Variants in ACAD10 observed in about 807,000 individuals in gnomAD.
ACAD10 encodes the protein ACAD-10.
In ACAD10, 112 loss-of-function variants were observed where a neutral mutation model predicts 116.8. The observed-to-expected ratio is 0.96, with a 90% CI of 0.82 to 1.12. The LOEUF (loss-of-function observed/expected upper bound fraction) is 1.12, where lower values mean the gene tolerates loss of function less well. ACAD10 is among the 50% of genes most tolerant of loss of function. The pLI, the probability that ACAD10 is intolerant of heterozygous loss-of-function variation, is 0.00. For missense variants in ACAD10, 1,259 were observed against 1,350.2 expected (o/e 0.93, Z 1.06); for synonymous variants, 486 against 510.6 (o/e 0.95, Z 0.65).
chr12:111,711,906 G>A (rs948158215), intron 5 of ACAD10, among the ~76,000 whole-genome samples: 3 of 152,172 alleles, frequency 2.0e-5, no homozygotes, highest in Non-Finnish European at 4.4e-5. Context: ...ATTTGCCTTG[G>A]CCTGCTAATA....
intron 10 of ACAD10, among the ~76,000 whole-genome samples, chr12:111,730,623 C>G (rs1889358394): frequency 6.6e-6 from 1 of 151,820 alleles, no homozygotes; most frequent in South Asian, 2.1e-4. Context: ...TTTTCTGCTT[C>G]GCAGCACCTG....
chr12:111,725,306 G>A (rs1036487609), intron 8 of ACAD10, among the ~76,000 whole-genome samples: 1 of 152,046 alleles, frequency 6.6e-6, no homozygotes, highest in African/African-American at 2.4e-5. Flanking sequence ...CCAGGAGTTT[G>A]AGACCAGCCA....
chr12:111,714,034 C>T lies in ACAD10; in HGVS notation c.850+1377C>T, dbSNP rs535746697. On this transcript the variant is annotated intron_variant, in intron 6 of 20. Coordinates refer to ENST00000313698, the MANE Select transcript of ACAD10 (RefSeq NM_025247.6). ...CCGAGATGGGCGGATCATCTGAGGTCAGGAGTTTGAGAGCAGCCTGGCCAA... is the reference window on the plus strand; with the variant it reads ...CCGAGATGGGCGGATCATCTGAGGTTAGGAGTTTGAGAGCAGCCTGGCCAA... Among the ~76,000 whole-genome samples the T allele has an allele frequency of 2.7e-3, 416 of 152,104 alleles. 1 individual carries two copies. The highest frequency in any genetic ancestry group is 8.3e-3 in the African/African-American group (343 of 41,484).
chr12:111,727,864 C>T, intron 8 of ACAD10, 98 bp from the exon 9 acceptor site: 2 of 1,274,530 alleles, frequency 1.6e-6, no homozygotes, highest in Non-Finnish European at 2.2e-6. Context: ...CAGCTCTCAA[C>T]CTGTATACCC....
chr12:111,719,203 T>C (rs756467351), intron 7 of ACAD10, among the ~76,000 whole-genome samples: 1 of 152,242 alleles, frequency 6.6e-6, no homozygotes, highest in African/African-American at 2.4e-5. Context: ...TATATGTGAA[T>C]GAATTCTAGT....
At chr12:111,691,086 G>A (rs1888027000) in intron 1 of ACAD10, 1 of 152,120 alleles carries the variant, frequency 6.6e-6, no homozygotes, top group South Asian at 2.1e-4. Flanking sequence ...AGAAGTTACA[G>A]TGATCTCCCG....
At chr12:111,718,488 T>C (rs1278465103) in intron 7 of ACAD10, among the ~76,000 whole-genome samples, 1 of 151,822 alleles carries the variant, frequency 6.6e-6, no homozygotes, top group Non-Finnish European at 1.5e-5. Flanking sequence ...CTATTGTTTG[T>C]TTTGTTTTGA....
chr12:111,701,752 A>G (rs944052563), intron 2 of ACAD10, among the ~76,000 whole-genome samples: 2 of 152,198 alleles, frequency 1.3e-5, no homozygotes, highest in African/African-American at 4.8e-5. Context: ...GTGAAGAATT[A>G]CTATAGCCTA....
intron 17 of ACAD10, chr12:111,748,935 T>C: frequency 7.2e-7 from 1 of 1,395,150 alleles, no homozygotes; most frequent in Non-Finnish European, 9.9e-7. Flanking sequence ...GGTGGCATTA[T>C]TATGTTTTTA....
chr12:111,740,782 C>CAAAAAA (rs751899672), intron 12 of ACAD10, among the ~76,000 whole-genome samples: 22 of 50,410 alleles, frequency 4.4e-4, no homozygotes, highest in Admixed American at 1.1e-3. Context: ...GACTCCATCT[C>CAAAAAA]AAAAAAAAAA....
chr12:111,703,795 G>T (rs1286648089), intron 3 of ACAD10, among the ~76,000 whole-genome samples: 1 of 151,848 alleles, frequency 6.6e-6, no homozygotes, highest in East Asian at 1.9e-4. Flanking sequence ...CCAGGATCAA[G>T]ATCACACCAC....
intron 2 of ACAD10, among the ~76,000 whole-genome samples, chr12:111,695,220 A>G (rs965806507): frequency 2.0e-5 from 3 of 152,036 alleles, no homozygotes; most frequent in Admixed American, 2.0e-4. Flanking sequence ...GCACATTTGC[A>G]TGTTTGTGCC....
chr12:111,702,442 T>C (rs1281985815), intron 3 of ACAD10, 132 bp downstream of exon 3: 6 of 1,308,296 alleles, frequency 4.6e-6, no homozygotes, highest in Non-Finnish European at 6.3e-6. Context: ...TTTAAAGTTA[T>C]TTCTTAGGCC....
At chr12:111,698,404 CTTT>C (rs60125993) in intron 2 of ACAD10, among the ~76,000 whole-genome samples, 9 of 132,980 alleles carry the variant, frequency 6.8e-5, no homozygotes, top group East Asian at 2.1e-4. Flanking sequence ...AGTAGTGAGC[CTTT>C]TTTTTTTTTT....
At chr12:111,718,342 C>G (rs1387671220) in intron 7 of ACAD10, among the ~76,000 whole-genome samples, 2 of 152,108 alleles carry the variant, frequency 1.3e-5, no homozygotes, top group Non-Finnish European at 2.9e-5. Flanking sequence ...AGCCACTATG[C>G]CCACCCTAGT....
rs367815178 is a variant in ACAD10 at position 111,756,716 on chromosome 12, A to G, written c.*243A>G. 18 of 695,038 alleles carry G rather than the reference A, an allele frequency of 2.6e-5. No homozygotes were observed. The highest frequency in any genetic ancestry group is 1.8e-4 in the East Asian group (6 of 32,690). The allele number at this position is 695,038 out of a possible 1,614,324, so 43.1% of individuals were successfully genotyped here. A position where few individuals can be genotyped will look rare whatever the true frequency, so the allele number is the denominator to read the frequency against. ...CTGAGGGCCAAGGGGGTTCTGGGAC[A>G]GAGTCTGGAAAGCTGGTCTTCAGGC... is the stretch of plus-strand genomic sequence containing the variant. On this transcript the variant is annotated 3_prime_UTR_variant, in exon 21 of 21. Transcript: ENST00000313698.
At chr12:111,738,380 A>T (rs1188881703) in intron 12 of ACAD10, among the ~76,000 whole-genome samples, 2 of 139,148 alleles carry the variant, frequency 1.4e-5, no homozygotes, top group African/African-American at 5.4e-5. Flanking sequence ...TGGGACGGGG[A>T]GGTTGCAGTG....
chr12:111,703,038 C>T (rs546055844), intron 3 of ACAD10, among the ~76,000 whole-genome samples: 18 of 150,038 alleles, frequency 1.2e-4, no homozygotes, highest in South Asian at 2.1e-4. Context: ...GAACCATGAC[C>T]GTGCCACTGC....
In ACAD10 at chr12:111,729,903, G is replaced by T. The variant is rs371183790; in HGVS notation, c.1341G>T (p.Leu447=). 2 of 1,614,026 alleles carry T rather than the reference G, an allele frequency of 1.2e-6. No homozygotes were observed. The highest frequency in any genetic ancestry group is 1.7e-6 in the Non-Finnish European group (2 of 1,180,034). The change falls in exon 10 of 21, where the codon CTG becomes CTT. Residue 447 remains leucine, a synonymous_variant. Coordinates refer to ENST00000313698, the MANE Select transcript of ACAD10 (RefSeq NM_025247.6). The part of the protein sequence containing the change: ...IPAMERLIEW[L]PLHLPRQQRT... ...CCATGGAGAGGCTGATCGAATGGCT[G>T]CCCCTCCATCTTCCCCGTCAGCAGA...
Sources: allele counts gnomAD v4.1 joint callset (sites outside exome capture counted in the v4.1 genomes callset), GRCh38; gene constraint gnomAD v4.1.1; transcripts MANE v1.5; gene names NCBI Gene and HGNC (gene_info 2026-07-23, HGNC 2026-07-21).